Variants in CLYBL observed in about 807,000 individuals in gnomAD.
CLYBL encodes the protein citramalyl-CoA lyase.
In CLYBL, 31 loss-of-function variants were observed where a neutral mutation model predicts 38.9. The observed-to-expected ratio is 0.80, with a 90% CI of 0.60 to 1.08. The LOEUF is 1.08. CLYBL is among the 50% of genes least tolerant of loss of function. The probability of loss-of-function intolerance (pLI) is 0.00; values close to 1 mark genes in which losing one functional copy is unlikely to be tolerated. For missense variants in CLYBL, 434 were observed against 411.6 expected (o/e 1.05, Z -0.47); for synonymous variants, 171 against 158.6 (o/e 1.08, Z -0.59).
At chr13:99,639,001 C>T (rs546711326) in intron 1 of CLYBL, among the ~76,000 whole-genome samples, 1 of 152,294 alleles carries the variant, frequency 6.6e-6, no homozygotes, top group South Asian at 2.1e-4. Flanking sequence ...CCATGCCCGC[C>T]TTGTCTCTTA....
At chr13:99,859,240 A>G (rs942150123) in intron 3 of CLYBL, among the ~76,000 whole-genome samples, 191 bp downstream of exon 3, 2 of 152,386 alleles carry the variant, frequency 1.3e-5, no homozygotes, top group East Asian at 1.9e-4. Context: ...AAAGTGTTCT[A>G]TGAAACAACT....
At position 99,864,900 on chromosome 13, in the gene CLYBL, G is replaced by A. The variant is rs1291957716; in HGVS notation, c.623G>A (p.Arg208Gln). The stretch of plus-strand genomic sequence containing the variant: ...GTCGTTTTTGGAGGAGAAGACTTTC[G>A]AGCCAGCATAGGTGTCAAAGACATC... ...DAVVFGGEDF[R>Q]ASIGATSSKE... is the part of the protein sequence containing the mutation. Residue 208 changes from arginine to glutamine, a missense_variant, in exon 5 of 9, where the codon CGA becomes CAA. Coordinates refer to ENST00000339105, the MANE Select transcript of CLYBL (RefSeq NM_206808.5). The A allele has an allele frequency of 2.4e-5, 38 of 1,611,040 alleles. No individual in the cohort carries two copies. The highest frequency in any genetic ancestry group is 2.9e-5 in the Non-Finnish European group (34 of 1,177,534).
chr13:99,637,620 C>T (rs977033274), intron 1 of CLYBL, among the ~76,000 whole-genome samples: 3 of 152,116 alleles, frequency 2.0e-5, no homozygotes, highest in Admixed American at 2.0e-4. Flanking sequence ...AGGCCAGGTG[C>T]TGTGGCACGC....
intron 1 of CLYBL, among the ~76,000 whole-genome samples, chr13:99,698,227 C>T (rs1051455994): frequency 1.3e-5 from 2 of 151,914 alleles, no homozygotes; most frequent in African/African-American, 4.8e-5. Context: ...TTCTGTCTCT[C>T]AGGCTGGAGT....
At chr13:99,842,712 TTA>T (rs1566349990) in intron 2 of CLYBL, among the ~76,000 whole-genome samples, 1 of 108,630 alleles carries the variant, frequency 9.2e-6, no homozygotes, top group African/African-American at 3.1e-5. Context: ...GCCCTTTTTT[TTA>T]AAAAAAAAAG....
intron 1 of CLYBL, among the ~76,000 whole-genome samples, chr13:99,660,776 A>G (rs1272728766): frequency 6.6e-6 from 1 of 152,168 alleles, no homozygotes; most frequent in Non-Finnish European, 1.5e-5. Context: ...CAGTACTTGT[A>G]AGAGTATTGA....
chr13:99,610,720 G>T (rs879914042), intron 1 of CLYBL, among the ~76,000 whole-genome samples: 1 of 152,132 alleles, frequency 6.6e-6, no homozygotes, highest in African/African-American at 2.4e-5. Context: ...TTCCTTAGCC[G>T]GTATACAGCC....
intron 2 of CLYBL, among the ~76,000 whole-genome samples, chr13:99,807,928 G>T (rs1483009125): frequency 6.6e-6 from 1 of 152,172 alleles, no homozygotes; most frequent in African/African-American, 2.4e-5. Flanking sequence ...GTGAGAGAAG[G>T]TTCCTCCTCA....
Position 99,731,635 on chromosome 13 carries a change from T to G in CLYBL, c.63-41189T>G, listed in dbSNP as rs559732883. ...TGATAAAGAAGGCCATACATTAGTT[T>G]CAAAGTCAGAGTAGACAGAGGCGGA... is the stretch of plus-strand genomic sequence containing the variant. On this transcript the variant is annotated intron_variant, in intron 1 of 8. Transcript: ENST00000339105. 7.0e-4 allele frequency among the ~76,000 whole-genome samples: 107 copies of G among 152,240 alleles called. No individual in the cohort carries two copies. The South Asian group carries it at 0.021, about 30-fold the overall frequency.
At chr13:99,835,908 C>A (rs533430520) in intron 2 of CLYBL, among the ~76,000 whole-genome samples, 2 of 152,298 alleles carry the variant, frequency 1.3e-5, no homozygotes, top group African/African-American at 4.8e-5. Flanking sequence ...GCAAGAAAAT[C>A]TGACAGTGAG....
chr13:99,805,048 C>T (rs1265965693), intron 2 of CLYBL, among the ~76,000 whole-genome samples: 1 of 152,206 alleles, frequency 6.6e-6, no homozygotes, highest in Non-Finnish European at 1.5e-5. Flanking sequence ...TTTCACTCCG[C>T]CTATTGTCTT....
At chr13:99,799,337 A>G (rs2050082870) in intron 2 of CLYBL, among the ~76,000 whole-genome samples, 1 of 152,094 alleles carries the variant, frequency 6.6e-6, no homozygotes, top group Non-Finnish European at 1.5e-5. Flanking sequence ...ATACACATAC[A>G]TATAAATATA....
chr13:99,904,897 G>C (rs2052679080), intron 8 of CLYBL, among the ~76,000 whole-genome samples: 1 of 152,190 alleles, frequency 6.6e-6, no homozygotes, highest in East Asian at 1.9e-4. Flanking sequence ...CCTCCCTCTT[G>C]TAAGAAGCTC....
chr13:99,803,313 A>G (rs1282532418), intron 2 of CLYBL, among the ~76,000 whole-genome samples: 1 of 152,248 alleles, frequency 6.6e-6, no homozygotes, highest in African/African-American at 2.4e-5. Context: ...CCCTAGAACA[A>G]AGGCAACATT....
chr13:99,886,767 C>T (rs184244638), intron 7 of CLYBL, among the ~76,000 whole-genome samples: 67 of 152,348 alleles, frequency 4.4e-4, no homozygotes, highest in African/African-American at 1.6e-3. Context: ...GCCCTCAGAT[C>T]GTCCCTGTGC....
chr13:99,800,367 G>A (rs760266449), intron 2 of CLYBL, among the ~76,000 whole-genome samples: 3 of 151,986 alleles, frequency 2.0e-5, no homozygotes, highest in Non-Finnish European at 4.4e-5. Context: ...TGAGATTGGC[G>A]CTGCTGCTGC....
At chr13:99,866,549 G>A (rs1357864789) in intron 6 of CLYBL, 142 bp downstream of exon 6, 2 of 647,364 alleles carry the variant, frequency 3.1e-6, no homozygotes, top group African/African-American at 1.9e-5. Flanking sequence ...GTCACACAGG[G>A]GAAGAACTTG....
At position 99,666,734 on chromosome 13, in the gene CLYBL, C is replaced by G. The variant is rs375832888; in HGVS notation, c.62+59977C>G. ...TTTCCCGCATTTGAATCAGATGTAG[C>G]AGGTGTCAAAATATGGTACAGAATT... On this transcript the variant is annotated intron_variant, in intron 1 of 8. Coordinates refer to ENST00000339105, the MANE Select transcript of CLYBL (RefSeq NM_206808.5). Among the ~76,000 whole-genome samples, 48 of 152,238 alleles carry G rather than the reference C, an allele frequency of 3.2e-4. No homozygotes were observed. The South Asian group carries it at 9.7e-3, about 31-fold the overall frequency.
chr13:99,770,674 GATTAC>G (rs1263372991), intron 1 of CLYBL, among the ~76,000 whole-genome samples: 1 of 151,954 alleles, frequency 6.6e-6, no homozygotes, highest in Non-Finnish European at 1.5e-5. Flanking sequence ...AAAGTGTTGG[GATTAC>G]AGGAGTGAGC....
Sources: gnomAD v4.1 joint callset for allele counts (sites outside exome capture counted in the v4.1 genomes callset) on GRCh38, gnomAD v4.1.1 for gene constraint, MANE v1.5 for transcripts, NCBI Gene and HGNC (gene_info 2026-07-23, HGNC 2026-07-21) for gene names.